KIF5B: variants seen among roughly 807,000 people sequenced by gnomAD.
The protein encoded by KIF5B is kinesin family member 5B, also known as kinesin-1 heavy chain.
A neutral mutation model predicts 132.8 loss-of-function variants in KIF5B; 49 were observed. The ratio of observed to expected loss-of-function variants is 0.37; its 90% CI spans 0.29 to 0.47. KIF5B has a LOEUF of 0.47. KIF5B is among the 20% of genes least tolerant of loss of function. KIF5B has a pLI of 1.00. For missense variants in KIF5B, 780 were observed against 1,144.0 expected (o/e 0.68, Z 4.59); for synonymous variants, 355 against 369.4 (o/e 0.96, Z 0.45).
At chr10:32,019,983 A>G in intron 19 of KIF5B, 24 bp from the exon 20 acceptor site, 1 of 1,436,840 alleles carries the variant, frequency 7.0e-7, no homozygotes, top group South Asian at 1.2e-5. Context: ...AAAATAATTA[A>G]CACAGTATCA....
At chr10:32,045,396 T>TAC (rs1317139685) in intron 2 of KIF5B, among the ~76,000 whole-genome samples, 1 of 152,234 alleles carries the variant, frequency 6.6e-6, no homozygotes, top group Non-Finnish European at 1.5e-5. Flanking sequence ...TACTTCTATT[T>TAC]ACTACCATCT....
rs548921885 is a variant in KIF5B at position 32,047,969 on chromosome 10, A to G, written c.214+495T>C. Among the ~76,000 whole-genome samples the G allele has an allele frequency of 1.8e-4, 28 of 152,362 alleles. No homozygotes were observed. In the East Asian group the frequency reaches 4.6e-3, roughly 25 times the overall value. On this transcript the variant is annotated intron_variant, in intron 2 of 25. Transcript: ENST00000302418. ...TATATAAAGTTATAAATATTCTTGT[A>G]TAAGTTATAGTATTAACTGGAATGT...
In KIF5B at chr10:32,031,234, G is replaced by A. The variant is rs1234744350; in HGVS notation, c.1420C>T (p.Leu474=). The A allele has an allele frequency of 6.2e-7, 1 of 1,613,758 alleles. No individual in the cohort carries two copies. Among genetic ancestry groups the A allele is most frequent in the Non-Finnish European group, 8.5e-7 (1 of 1,179,970 alleles). Residue 474 remains leucine, a synonymous_variant, in exon 14 of 26, where the codon CTG becomes TTG. Transcript: ENST00000302418. ...TCATTTTCTGCTTGAAGGCGATTCA[G>A]CTCAGCTTGCATATTGTCTTGATCC... ...RRDQDNMQAE[L]NRLQAENDAS...
chr10:32,010,633 C>A lies in KIF5B; in HGVS notation c.*904G>T, dbSNP rs1356983914. On this transcript the variant is annotated 3_prime_UTR_variant, in exon 26 of 26. Transcript: ENST00000302418. ...TCCTATAATATCTTAATTCATTTTA[C>A]TAATATTAAAGATGACAAATTATTA... 6.6e-6 allele frequency: 1 copy of A among 152,040 alleles called. No individual in the cohort carries two copies. Among genetic ancestry groups the A allele is most frequent in the Non-Finnish European group, 1.5e-5 (1 of 67,982 alleles). 9.4% of individuals were successfully genotyped at this position (152,040 alleles called of 1,614,324 possible).
chr10:32,014,561 G>A (rs1478754676), intron 25 of KIF5B, among the ~76,000 whole-genome samples: 1 of 151,824 alleles, frequency 6.6e-6, no homozygotes, highest in Non-Finnish European at 1.5e-5. Context: ...GAGAGAGAGA[G>A]AGAGAGAGAT....
At chr10:32,012,425 G>A (rs1183117188) in intron 25 of KIF5B, among the ~76,000 whole-genome samples, 2 of 152,130 alleles carry the variant, frequency 1.3e-5, no homozygotes, top group African/African-American at 2.4e-5. Context: ...GCAGTGAGCC[G>A]AGATCCTGCC....
At position 32,022,234 on chromosome 10, in the gene KIF5B, C is replaced by A. The variant is rs772864827; in HGVS notation, c.1938G>T (p.Leu646Phe). The change falls in exon 17 of 26, where the codon TTG becomes TTT. Residue 646 changes from leucine (L) to phenylalanine (F), a missense_variant. Leu to Phe is a conservative substitution (Grantham distance 22). Coordinates refer to ENST00000302418, the MANE Select transcript of KIF5B (RefSeq NM_004521.3). ...GTTCCACATTTTGAAGGTATTCAGT[C>A]AATGACTTGATTTTGGCTTCATGCT... ...ISQHEAKIKS[L>F]TEYLQNVEQK... 5 of 1,610,854 alleles carry A rather than the reference C, an allele frequency of 3.1e-6. No individual in the cohort carries two copies. Among genetic ancestry groups the A allele is most frequent in the Non-Finnish European group, 4.2e-6 (5 of 1,178,338 alleles).
chr10:32,016,324 C>T (rs1442832412), intron 24 of KIF5B, among the ~76,000 whole-genome samples: 2 of 151,940 alleles, frequency 1.3e-5, no homozygotes, highest in African/African-American at 4.8e-5. Context: ...GGCATGGTGG[C>T]TTGCACCTTC....
intron 1 of KIF5B, among the ~76,000 whole-genome samples, chr10:32,054,304 C>T (rs1220347168): frequency 6.6e-6 from 1 of 152,198 alleles, no homozygotes; most frequent in Non-Finnish European, 1.5e-5. Context: ...GATTACTGGG[C>T]TTAACTACTC....
intron 2 of KIF5B, among the ~76,000 whole-genome samples, chr10:32,042,973 C>T (rs1592452109): frequency 6.6e-6 from 1 of 152,088 alleles, no homozygotes; most frequent in Admixed American, 6.6e-5. Context: ...CATCACAAAA[C>T]CCCGTGCACG....
intron 1 of KIF5B, 77 bp downstream of exon 1, chr10:32,055,771 C>G: frequency 6.4e-7 from 1 of 1,562,720 alleles, no homozygotes; most frequent in Non-Finnish European, 8.7e-7. Flanking sequence ...CAATTCTGCA[C>G]CCTGCCACTT....
chr10:32,026,618 T>C (rs1192461320), intron 15 of KIF5B, among the ~76,000 whole-genome samples: 1 of 151,586 alleles, frequency 6.6e-6, no homozygotes, highest in Admixed American at 6.6e-5. Context: ...AAAAATCTAG[T>C]AGTCATGGAA....
At chr10:32,041,159 A>C (rs1336875465) in intron 2 of KIF5B, among the ~76,000 whole-genome samples, 7 of 151,870 alleles carry the variant, frequency 4.6e-5, no homozygotes, top group Admixed American at 6.6e-5. Context: ...AAAAAAAAAA[A>C]AAAACCAAAA....
At position 32,031,388 on chromosome 10, in the gene KIF5B, T is replaced by C. The variant is rs2132597667; in HGVS notation, c.1375-109A>G. ...CAAATGGAGTGAAATATGGATGGTA[T>C]TCAGTGTGGCAACATTTATTCATTA... On this transcript the variant is annotated intron_variant, in intron 13 of 25. Transcript: ENST00000302418. The C allele has an allele frequency of 2.1e-5, 16 of 776,978 alleles. No homozygotes were observed. The South Asian group carries it at 2.6e-4, about 13-fold the overall frequency. The allele number at this position is 776,978 out of a possible 1,614,324, so 48.1% of individuals were successfully genotyped here.
intron 3 of KIF5B, among the ~76,000 whole-genome samples, chr10:32,040,179 A>T (rs1354187639): frequency 6.6e-6 from 1 of 152,214 alleles, no homozygotes; most frequent in Non-Finnish European, 1.5e-5. Flanking sequence ...AACAATCTCA[A>T]ATATAATCTC....
chr10:32,018,652 A>G, intron 20 of KIF5B, 90 bp from the exon 21 acceptor site: 1 of 973,418 alleles, frequency 1.0e-6, no homozygotes, highest in African/African-American at 1.7e-5. Context: ...TTGTGTCTGA[A>G]AGGATAAATT....
At chr10:32,015,020 GC>G (rs1281799230) in intron 25 of KIF5B, among the ~76,000 whole-genome samples, 1 of 152,096 alleles carries the variant, frequency 6.6e-6, no homozygotes, top group African/African-American at 2.4e-5. Context: ...AGTTTGGGAG[GC>G]TGAGGCAGGG....
intron 1 of KIF5B, among the ~76,000 whole-genome samples, chr10:32,055,183 C>T (rs1450952228): frequency 7.2e-6 from 1 of 138,144 alleles, no homozygotes; most frequent in Non-Finnish European, 1.6e-5. Context: ...CATCCTGTTT[C>T]AAAAAAAAAA....
chr10:32,056,120 G>A lies in KIF5B; in HGVS notation c.-147C>T. 1 of 967,262 alleles carries A rather than the reference G, an allele frequency of 1.0e-6. No homozygotes were observed. Among genetic ancestry groups the A allele is most frequent in the African/African-American group, 1.7e-5 (1 of 58,298 alleles). 59.9% of individuals were successfully genotyped at this position (967,262 alleles called of 1,614,324 possible). ...GCGCTGCGCTTCCCCGGGTGGAGGC[G>A]GCCGGGGAGCCGGGACTTGAAGAGC... is the stretch of plus-strand genomic sequence containing the variant. On this transcript the variant is annotated 5_prime_UTR_variant, in exon 1 of 26. Transcript: ENST00000302418.
Sources: gnomAD v4.1 joint callset for allele counts (sites outside exome capture counted in the v4.1 genomes callset) on GRCh38, gnomAD v4.1.1 for gene constraint, MANE v1.5 for transcripts, NCBI Gene and HGNC (gene_info 2026-07-23, HGNC 2026-07-21) for gene names.